KALRN: variants seen among roughly 807,000 people sequenced by gnomAD.
The protein encoded by KALRN is kalirin.
Under a neutral mutation model 353.7 loss-of-function variants are expected in KALRN, and 70 were observed. The observed-to-expected ratio is 0.20, with a 90% confidence interval of 0.16 to 0.24. The LOEUF (loss-of-function observed/expected upper bound fraction) is 0.24. KALRN is among the 10% of genes least tolerant of loss of function. The probability of loss-of-function intolerance (pLI) is 1.00; values close to 1 mark genes in which losing one functional copy is unlikely to be tolerated. For missense variants in KALRN, 2,791 were observed against 3,756.7 expected, an observed-to-expected ratio of 0.74 and a Z score of 6.72; for synonymous variants, 1,391 against 1,434.8, an observed-to-expected ratio of 0.97 and a Z score of 0.69.
At chr3:124,684,145 C>A (rs1298954366) in intron 51 of KALRN, among the ~76,000 whole-genome samples, 1 of 152,078 alleles carries the variant, frequency 6.6e-6, no homozygotes, top group African/African-American at 2.4e-5. Context: ...TCCCTGCAGC[C>A]CCTTCACCTT....
intron 34 of KALRN, among the ~76,000 whole-genome samples, chr3:124,603,748 C>T (rs980344526): frequency 6.6e-6 from 1 of 152,124 alleles, no homozygotes; most frequent in Non-Finnish European, 1.5e-5. Context: ...ATATGCTAGT[C>T]TATTGGGTTC....
chr3:124,202,774 C>T (rs989310550), intron 1 of KALRN, among the ~76,000 whole-genome samples: 6 of 152,276 alleles, frequency 3.9e-5, no homozygotes, highest in Admixed American at 2.0e-4. Flanking sequence ...ACCTTTTCTT[C>T]AAGACACACC....
intron 1 of KALRN, among the ~76,000 whole-genome samples, chr3:124,078,439 G>A (rs1207377268): frequency 6.6e-6 from 1 of 152,160 alleles, no homozygotes; most frequent in Non-Finnish European, 1.5e-5. Flanking sequence ...GGGGCTCAGT[G>A]GTAAATGCAT....
At chr3:124,577,213 GA>G (rs33973349) in intron 34 of KALRN, among the ~76,000 whole-genome samples, 66,251 of 147,578 alleles carry the variant, frequency 0.45, 16,071 homozygotes, top group East Asian at 0.83. Context: ...ATACTTCCTG[GA>G]AAAAAAAAAA....
intron 1 of KALRN, among the ~76,000 whole-genome samples, chr3:124,181,210 C>T (rs1247121362): frequency 6.6e-6 from 1 of 151,664 alleles, no homozygotes; most frequent in Non-Finnish European, 1.5e-5. Flanking sequence ...AAGATCTCAC[C>T]ACTGCACTCC....
At chr3:124,696,292 A>G (rs1393145844) in intron 54 of KALRN, 37 bp downstream of exon 54, 2 of 1,601,182 alleles carry the variant, frequency 1.2e-6, no homozygotes, top group Non-Finnish European at 1.7e-6. Flanking sequence ...TTTGAAATAT[A>G]TATATATTTT....
chr3:124,195,432 C>T (rs1037625949), intron 1 of KALRN, among the ~76,000 whole-genome samples: 1 of 152,138 alleles, frequency 6.6e-6, no homozygotes, highest in Non-Finnish European at 1.5e-5. Context: ...GGAGCTGGGT[C>T]TGACTTTCTA....
At chr3:124,317,876 T>C (rs2078965231) in intron 6 of KALRN, among the ~76,000 whole-genome samples, 1 of 152,078 alleles carries the variant, frequency 6.6e-6, no homozygotes. Flanking sequence ...TTTTTCCTAA[T>C]CACTTGCCTC....
intron 10 of KALRN, among the ~76,000 whole-genome samples, chr3:124,378,038 A>G (rs13320033): frequency 0.12 from 17,710 of 152,050 alleles, 1,271 homozygotes; most frequent in Non-Finnish European, 0.16. Context: ...TAGACAATTT[A>G]TATTTAATGT....
chr3:124,359,560 C>T (rs141276159), intron 10 of KALRN, among the ~76,000 whole-genome samples: 1,559 of 152,260 alleles, frequency 0.01, 9 homozygotes, highest in Middle Eastern at 0.02. Context: ...CATTTGGGGT[C>T]AATCTGTTTT....
rs186296399 is a variant in KALRN, at chr3:124,389,254, T to C, written c.1962+4218T>C. ...ATAATTTTCAGGGAATGAAAGCCCCTTTTGTAGGAGATTTCTAAGTGGGAA... is the reference window on the plus strand; with the variant it reads ...ATAATTTTCAGGGAATGAAAGCCCCCTTTGTAGGAGATTTCTAAGTGGGAA... On this transcript the variant is annotated intron_variant, in intron 11 of 59. Coordinates refer to ENST00000682506, the MANE Select transcript of KALRN (RefSeq NM_001388419.1). 3.3e-5 allele frequency among the ~76,000 whole-genome samples: 5 copies of C among 152,264 alleles called. No individual in the cohort carries two copies. The East Asian group carries it at 9.7e-4, about 29-fold the overall frequency.
At chr3:124,589,640 T>C (rs745891337) in intron 34 of KALRN, among the ~76,000 whole-genome samples, 5 of 152,202 alleles carry the variant, frequency 3.3e-5, no homozygotes, top group Non-Finnish European at 5.9e-5. Flanking sequence ...ATAAAATCCT[T>C]GGGGCCTTGA....
chr3:124,580,964 A>C (rs2074575332), intron 34 of KALRN, among the ~76,000 whole-genome samples: 1 of 151,430 alleles, frequency 6.6e-6, no homozygotes, highest in African/African-American at 2.4e-5. Flanking sequence ...AATAATAATA[A>C]TAATAATAAA....
chr3:124,109,745 A>T (rs940946790), intron 1 of KALRN, among the ~76,000 whole-genome samples: 15 of 127,930 alleles, frequency 1.2e-4, no homozygotes, highest in African/African-American at 4.7e-4. Context: ...TATATATATG[A>T]CATATATATC....
chr3:124,146,903 A>G (rs968248894), intron 1 of KALRN, among the ~76,000 whole-genome samples: 1 of 149,152 alleles, frequency 6.7e-6, no homozygotes, highest in Non-Finnish European at 1.5e-5. Flanking sequence ...AAGAAAAGAA[A>G]AAAAAAGAGG....
chr3:124,361,209 G>A (rs2083996836), intron 10 of KALRN, among the ~76,000 whole-genome samples: 1 of 152,060 alleles, frequency 6.6e-6, no homozygotes, highest in South Asian at 2.1e-4. Context: ...AAAAACTGGG[G>A]TTAGTCAACC....
At position 124,276,500 on chromosome 3, in the gene KALRN, G is replaced by A. The variant is rs1278877055; in HGVS notation, c.969+7245G>A. The stretch of plus-strand genomic sequence containing the variant: ...GGGGCTGTTGTAGAGAAATCCTGCT[G>A]CTTCTACTTCCCTGGTGGACCCTGG... On this transcript the variant is annotated intron_variant, in intron 5 of 59. Transcript: ENST00000682506. Among the ~76,000 whole-genome samples the A allele has an allele frequency of 2.6e-5, 4 of 152,264 alleles. No individual in the cohort carries two copies. In the East Asian group the frequency reaches 7.7e-4, roughly 29 times the overall value.
chr3:124,392,192 G>A (rs893213357), intron 11 of KALRN, among the ~76,000 whole-genome samples: 1 of 152,076 alleles, frequency 6.6e-6, no homozygotes, highest in African/African-American at 2.4e-5. Context: ...TGGGGCTACA[G>A]GCATGTGCCA....
intron 10 of KALRN, among the ~76,000 whole-genome samples, chr3:124,366,874 G>A (rs1576326426): frequency 7.3e-6 from 1 of 136,774 alleles, no homozygotes; most frequent in South Asian, 2.3e-4. Flanking sequence ...CGGCTGGCCG[G>A]GCGGGGGGCT....
Sources: allele counts gnomAD v4.1 joint callset (sites outside exome capture counted in the v4.1 genomes callset), GRCh38; gene constraint gnomAD v4.1.1; transcripts MANE v1.5; gene names NCBI Gene and HGNC (gene_info 2026-07-23, HGNC 2026-07-21).